MRPL49: variants seen among roughly 807,000 people sequenced by gnomAD.
MRPL49 encodes large ribosomal subunit protein mL49.
A neutral mutation model predicts 18.4 loss-of-function variants in MRPL49; 14 were observed. The ratio of observed to expected loss-of-function variants is 0.76; its 90% CI spans 0.50 to 1.19. The LOEUF is 1.19. Among genes scored for constraint, MRPL49 ranks in the 50% most tolerant of loss-of-function variants. MRPL49 has a pLI of 0.00. For synonymous variants in MRPL49, 104 were observed against 86.2 expected (o/e 1.21, Z -1.14); for missense variants, 190 against 217.8 (o/e 0.87, Z 0.80).
At chr11:65,122,844 C>T (rs1481810910) in intron 1 of MRPL49, among the ~76,000 whole-genome samples, 1 of 151,996 alleles carries the variant, frequency 6.6e-6, no homozygotes, top group East Asian at 1.9e-4. Flanking sequence ...CTCAGCCTCC[C>T]GAGTAGCTGG....
chr11:65,124,376 C>T, intron 1 of MRPL49, 126 bp from the exon 2 acceptor site: 2 of 967,028 alleles, frequency 2.1e-6, no homozygotes, highest in Non-Finnish European at 3.1e-6. Context: ...AGCTTTCACA[C>T]CGTCGCCCAG....
intron 3 of MRPL49, 42 bp from the exon 4 acceptor site, chr11:65,125,684 G>A (rs1265754897): frequency 3.1e-6 from 5 of 1,611,718 alleles, no homozygotes; most frequent in Non-Finnish European, 4.2e-6. Flanking sequence ...CTTTTTAAGG[G>A]AAGGGACTCT....
chr11:65,122,557 C>A, intron 1 of MRPL49, 133 bp downstream of exon 1: 1 of 773,264 alleles, frequency 1.3e-6, no homozygotes, highest in African/African-American at 1.7e-5. Flanking sequence ...GAGAACTTGT[C>A]CCGAGTGTAC....
Position 65,125,785 on chromosome 11 carries a change from C to A in MRPL49, c.414C>A (p.Thr138=), listed in dbSNP as rs1011006969. The A allele has an allele frequency of 9.9e-6, 16 of 1,613,292 alleles. No individual in the cohort carries two copies. Among genetic ancestry groups the A allele is most frequent in the Non-Finnish European group, 1.1e-5 (13 of 1,180,004 alleles). ...CGCTGCTGGGGAAGACACCTGTCAC[C>A]CAGGTCAATGAGGTGACAGGTACCC... ...LSPLLGKTPV[T]QVNEVTGTLR... is the part of the protein sequence containing the mutation. Residue 138 remains threonine, a synonymous_variant, in exon 4 of 4, where the codon ACC becomes ACA. Transcript: ENST00000279242.
At position 65,124,668 on chromosome 11, in the gene MRPL49, AG is replaced by A. The variant is rs1370097982; in HGVS notation, c.229+19del. 6.2e-7 allele frequency: 1 copy of A among 1,612,858 alleles called. No homozygotes were observed. ...CCTCCCAGAGGTGAGCTGGGTGGTT[AG>A]GGATGATTTGAAAGCTTCACGGAGC... On this transcript the variant is annotated intron_variant, in intron 2 of 3. Coordinates refer to ENST00000279242, the MANE Select transcript of MRPL49 (RefSeq NM_004927.4).
intron 1 of MRPL49, among the ~76,000 whole-genome samples, chr11:65,123,296 A>G (rs1948071123): frequency 6.6e-6 from 1 of 152,184 alleles, no homozygotes; most frequent in Admixed American, 6.5e-5. Context: ...TTTCCATCCC[A>G]TCTGTACCCT....
At chr11:65,125,422 G>A (rs1021884538) in intron 2 of MRPL49, 66 bp from the exon 3 acceptor site, 4 of 1,604,452 alleles carry the variant, frequency 2.5e-6, no homozygotes, top group Non-Finnish European at 3.4e-6. Flanking sequence ...CTGAGAGCAA[G>A]GGCCTTGGCT....
rs1226397766 is a variant in MRPL49 at position 65,124,494 on chromosome 11, T to C, written c.79-8T>C. On this transcript the variant is annotated splice_region_variant and splice_polypyrimidine_tract_variant and intron_variant, in intron 1 of 3. Coordinates refer to ENST00000279242, the MANE Select transcript of MRPL49 (RefSeq NM_004927.4). ...TAATGGAGAAATGGGATTTTTGTTT[T>C]GCTTCAGAGCCAGACCCAGGGCCCT... is the stretch of plus-strand genomic sequence containing the variant. 6.2e-7 allele frequency: 1 copy of C among 1,611,410 alleles called. No individual in the cohort carries two copies. Among genetic ancestry groups the C allele is most frequent in the East Asian group, 2.2e-5 (1 of 44,872 alleles).
Position 65,126,155 on chromosome 11 carries a change from A to T in MRPL49, c.*283A>T. The T allele has an allele frequency of 3.3e-6, 1 of 306,812 alleles. No homozygotes were observed. Among genetic ancestry groups the T allele is most frequent in the Non-Finnish European group, 6.0e-6 (1 of 165,800 alleles). The allele number at this position is 306,812 out of a possible 1,614,324, so 19.0% of individuals were successfully genotyped here. On this transcript the variant is annotated 3_prime_UTR_variant, in exon 4 of 4. Coordinates refer to ENST00000279242, the MANE Select transcript of MRPL49 (RefSeq NM_004927.4). ...TTGGCCTGTTCTTTTTTGTTTTTTG[A>T]GACGGAGTCTCACTCTGTTGCCCAG...
upstream of MRPL49, chr11:65,122,197 G>T (rs1410864797): frequency 1.3e-6 from 1 of 746,406 alleles, no homozygotes; most frequent in Non-Finnish European, 2.2e-6. Flanking sequence ...CTGAGCGACC[G>T]CGCGGTTCCC....
In MRPL49 at chr11:65,126,168, C is replaced by T. The variant is rs1427151326; in HGVS notation, c.*296C>T. ...TTTTGTTTTTTGAGACGGAGTCTCACTCTGTTGCCCAGGGTGGAGTGCAGT... is the reference window on the plus strand; with the variant it reads ...TTTTGTTTTTTGAGACGGAGTCTCATTCTGTTGCCCAGGGTGGAGTGCAGT... On this transcript the variant is annotated 3_prime_UTR_variant, in exon 4 of 4. Coordinates refer to ENST00000279242, the MANE Select transcript of MRPL49 (RefSeq NM_004927.4). 3.7e-6 allele frequency: 1 copy of T among 271,200 alleles called. No homozygotes were observed. The highest frequency in any genetic ancestry group is 2.2e-5 in the African/African-American group (1 of 44,660). 16.8% of individuals were successfully genotyped at this position (271,200 alleles called of 1,614,324 possible). A position where few individuals can be genotyped will look rare whatever the true frequency, so the allele number is the denominator to read the frequency against.
intron 3 of MRPL49, 51 bp from the exon 4 acceptor site, chr11:65,125,674 CT>C (rs1948093555): frequency 1.2e-6 from 2 of 1,611,448 alleles, no homozygotes; most frequent in Admixed American, 3.3e-5. Context: ...GGACAGGAGT[CT>C]TTTTAAGGGA....
At chr11:65,124,421 T>C in intron 1 of MRPL49, 81 bp from the exon 2 acceptor site, 1 of 1,355,044 alleles carries the variant, frequency 7.4e-7, no homozygotes. Flanking sequence ...GCCTGTAATG[T>C]TTCCATTCTC....
intron 2 of MRPL49, 159 bp from the exon 3 acceptor site, chr11:65,125,329 T>C (rs1948088802): frequency 1.1e-6 from 1 of 878,590 alleles, no homozygotes; most frequent in Non-Finnish European, 1.7e-6. Context: ...TGGTCCTGAC[T>C]CCAAGCTGAA....
At chr11:65,122,682 CAT>C (rs1173414918) in intron 1 of MRPL49, among the ~76,000 whole-genome samples, 1 of 151,444 alleles carries the variant, frequency 6.6e-6, no homozygotes, top group Non-Finnish European at 1.5e-5. Context: ...GGGGTCCTAG[CAT>C]ATGAGTGTGC....
Position 65,127,018 on chromosome 11 carries a change from A to G in MRPL49, c.*1146A>G. ...AGGCCTGAGACCCCACCCTGCCCCCAAACTGGCTAAGACAGCTTTCAGTTC... is the reference window on the plus strand; with the variant it reads ...AGGCCTGAGACCCCACCCTGCCCCCGAACTGGCTAAGACAGCTTTCAGTTC... On this transcript the variant is annotated 3_prime_UTR_variant, in exon 4 of 4. Coordinates refer to ENST00000279242, the MANE Select transcript of MRPL49 (RefSeq NM_004927.4). 1.4e-6 allele frequency: 1 copy of G among 701,214 alleles called. No homozygotes were observed. The highest frequency in any genetic ancestry group is 1.5e-5 in the South Asian group (1 of 67,416). 43.4% of individuals were successfully genotyped at this position (701,214 alleles called of 1,614,324 possible). A position where few individuals can be genotyped will look rare whatever the true frequency, so the allele number is the denominator to read the frequency against.
At position 65,122,324 on chromosome 11, in the gene MRPL49, G is replaced by A. The variant is rs1948058909; in HGVS notation, c.-23G>A. On this transcript the variant is annotated 5_prime_UTR_variant, in exon 1 of 4. Coordinates refer to ENST00000279242, the MANE Select transcript of MRPL49 (RefSeq NM_004927.4). ...GCGGGACCAGACAGTTGCGCGCACAGAAGGCTGGCGTAGCAGGTAAAGATG... is the reference window on the plus strand; with the variant it reads ...GCGGGACCAGACAGTTGCGCGCACAAAAGGCTGGCGTAGCAGGTAAAGATG... 1 of 1,609,218 alleles carries A rather than the reference G, an allele frequency of 6.2e-7. No homozygotes were observed. Among genetic ancestry groups the A allele is most frequent in the African/African-American group, 1.3e-5 (1 of 74,814 alleles).
In MRPL49 at chr11:65,124,583, G is replaced by A. The variant is rs778499001; in HGVS notation, c.160G>A (p.Ala54Thr). 6.2e-7 allele frequency: 1 copy of A among 1,614,188 alleles called. No individual in the cohort carries two copies. The highest frequency in any genetic ancestry group is 8.5e-7 in the Non-Finnish European group (1 of 1,180,040). Reference protein sequence around the residue: ...EYQFVERLLPATRIPDPPKHE... With the variant: ...EYQFVERLLPTTRIPDPPKHE... ...TCAGTTTGTGGAGCGCCTGTTACCGGCTACCAGGATCCCAGATCCCCCAAA... is the reference window on the plus strand; with the variant it reads ...TCAGTTTGTGGAGCGCCTGTTACCGACTACCAGGATCCCAGATCCCCCAAA... Residue 54 changes from alanine to threonine, a missense_variant, in exon 2 of 4, where the codon GCT becomes ACT. By Grantham distance (58) the Ala-to-Thr change is moderately conservative. Coordinates refer to ENST00000279242, the MANE Select transcript of MRPL49 (RefSeq NM_004927.4).
chr11:65,122,312 G>A (rs1037473312), upstream of MRPL49: 6 of 1,606,024 alleles, frequency 3.7e-6, no homozygotes, highest in African/African-American at 6.7e-5. Flanking sequence ...GGACCAGACA[G>A]TTGCGCGCAC....
Sources: gnomAD v4.1 joint callset for allele counts (sites outside exome capture counted in the v4.1 genomes callset) on GRCh38, gnomAD v4.1.1 for gene constraint, MANE v1.5 for transcripts, NCBI Gene and HGNC (gene_info 2026-07-23, HGNC 2026-07-21) for gene names.